The following SGK3 variants were observed in gnomAD, a reference collection of about 807,000 sequenced individuals.
The protein encoded by SGK3 is serine/threonine-protein kinase Sgk3.
In SGK3, 47 loss-of-function variants were observed where a neutral mutation model predicts 68.5. That is an observed-to-expected ratio of 0.69 (90% CI 0.54 to 0.87). The LOEUF (loss-of-function observed/expected upper bound fraction) is 0.87. Among genes scored for constraint, SGK3 ranks in the 40% least tolerant of loss-of-function variants. The pLI is 0.00. For synonymous variants in SGK3, 181 were observed against 189.1 expected, an observed-to-expected ratio of 0.96 and a Z score of 0.35; for missense variants, 479 against 575.5, an observed-to-expected ratio of 0.83 and a Z score of 1.72.
chr8:66,854,222 TCTGTGGC>T (rs768588601), intron 16 of SGK3, among the ~76,000 whole-genome samples: 11 of 152,218 alleles, frequency 7.2e-5, no homozygotes, highest in Non-Finnish European at 1.6e-4. Context: ...AGTTTACAGT[TCTGTGGC>T]CTCAGTCCCT....
intron 4 of SGK3, among the ~76,000 whole-genome samples, chr8:66,810,003 G>A (rs1808315413): frequency 6.6e-6 from 1 of 152,150 alleles, no homozygotes; most frequent in Non-Finnish European, 1.5e-5. Context: ...CTATGACTTA[G>A]TCTTGGAAGC....
intron 1 of SGK3, among the ~76,000 whole-genome samples, chr8:66,714,906 A>G (rs755943409): frequency 4.0e-4 from 61 of 152,210 alleles, no homozygotes; most frequent in Admixed American, 9.8e-4. Flanking sequence ...AGTGCCTGGC[A>G]CGTGCAGGCC....
chr8:66,747,114 G>A (rs1368935340), intron 1 of SGK3, among the ~76,000 whole-genome samples: 2 of 151,972 alleles, frequency 1.3e-5, no homozygotes, highest in African/African-American at 2.4e-5. Flanking sequence ...TGACAGGCTA[G>A]TGTTTGTTCA....
intron 10 of SGK3, chr8:66,839,764 A>G: frequency 2.4e-6 from 1 of 424,136 alleles, no homozygotes. Flanking sequence ...AGTAAATGGG[A>G]GATGAGTGAC....
At chr8:66,810,028 T>G (rs1808317087) in intron 4 of SGK3, among the ~76,000 whole-genome samples, 1 of 152,144 alleles carries the variant, frequency 6.6e-6, no homozygotes, top group Non-Finnish European at 1.5e-5. Context: ...TGCCATTACA[T>G]CCACCATATT....
intron 6 of SGK3, among the ~76,000 whole-genome samples, chr8:66,825,897 A>G (rs926218774): frequency 2.0e-5 from 3 of 152,216 alleles, no homozygotes; most frequent in Non-Finnish European, 2.9e-5. Flanking sequence ...CCTAAATAAT[A>G]AAATCTAATT....
chr8:66,840,690 G>A, intron 12 of SGK3: 1 of 211,658 alleles, frequency 4.7e-6, no homozygotes, highest in Non-Finnish European at 9.3e-6. Context: ...GGGTGTGGTG[G>A]CTCACGCCTG....
intron 1 of SGK3, among the ~76,000 whole-genome samples, chr8:66,792,264 G>A (rs1807491737): frequency 6.6e-6 from 1 of 151,020 alleles, no homozygotes; most frequent in African/African-American, 2.4e-5. Context: ...AAGAGGCGGA[G>A]GTTGTGGTGA....
At chr8:66,809,597 C>T (rs945195395) in intron 4 of SGK3, among the ~76,000 whole-genome samples, 14 of 151,726 alleles carry the variant, frequency 9.2e-5, no homozygotes, top group South Asian at 2.1e-4. Flanking sequence ...TAAATTTATT[C>T]GCCAAATCAA....
rs199728954 is a variant in SGK3, at chr8:66,718,647, G to T, written c.-122+5814G>T. The stretch of plus-strand genomic sequence containing the variant: ...AGGTTCAAGTGATTCTCCTCCCTCA[G>T]CCTCCTGAGTAGCTGGGATTACAGA... On this transcript the variant is annotated intron_variant, in intron 1 of 16. Transcript: ENST00000521198. Among the ~76,000 whole-genome samples, 6 of 151,822 alleles carry T rather than the reference G, an allele frequency of 4.0e-5. No individual in the cohort carries two copies. In the East Asian group the frequency reaches 1.2e-3, roughly 29 times the overall value.
chr8:66,743,377 C>T (rs1585655900), intron 1 of SGK3, among the ~76,000 whole-genome samples: 1 of 152,164 alleles, frequency 6.6e-6, no homozygotes, highest in East Asian at 1.9e-4. Flanking sequence ...AGTACCAGTC[C>T]ATATCCTATC....
intron 14 of SGK3, 61 bp downstream of exon 14, chr8:66,843,608 C>G (rs1809882371): frequency 6.6e-7 from 1 of 1,515,964 alleles, no homozygotes; most frequent in African/African-American, 1.4e-5. Flanking sequence ...GTCTGTCTGT[C>G]TCTCCCACCT....
In SGK3 at chr8:66,779,561, AATATATATATATATAT is replaced by A. The variant is rs200618083; in HGVS notation, c.-121-14029_-121-14014del. ...ATATATATGTATATGTATGTGTGTGAATATATATATATATATATATATATATATATATATATATATA... is the reference window on the plus strand; with the variant it reads ...ATATATATGTATATGTATGTGTGTGAATATATATATATATATATATATATA... On this transcript the variant is annotated intron_variant, in intron 1 of 16. Transcript: ENST00000521198. Among the ~76,000 whole-genome samples the A allele has an allele frequency of 2.6e-3, 232 of 89,390 alleles. 2 individuals are homozygous for A. Among genetic ancestry groups the A allele is most frequent in the East Asian group, 0.017 (44 of 2,620 alleles). 58.6% of individuals were successfully genotyped at this position (89,390 alleles called of 152,430 possible). A position where few individuals can be genotyped will look rare whatever the true frequency, so the allele number is the denominator to read the frequency against.
chr8:66,784,378 C>A (rs1585711383), intron 1 of SGK3, among the ~76,000 whole-genome samples: 1 of 152,110 alleles, frequency 6.6e-6, no homozygotes, highest in South Asian at 2.1e-4. Context: ...TTTTTATTTC[C>A]CTTTATGCCT....
At chr8:66,794,895 T>C (rs1807614208) in intron 2 of SGK3, among the ~76,000 whole-genome samples, 1 of 152,232 alleles carries the variant, frequency 6.6e-6, no homozygotes, top group Non-Finnish European at 1.5e-5. Flanking sequence ...CTGGCATCCA[T>C]TGCTGACACC....
chr8:66,806,426 T>C (rs1808166675), intron 4 of SGK3, among the ~76,000 whole-genome samples: 1 of 152,158 alleles, frequency 6.6e-6, no homozygotes, highest in Non-Finnish European at 1.5e-5. Context: ...AAGAGAAAAT[T>C]GAGTTGGCAC....
At chr8:66,813,754 A>G in intron 4 of SGK3, 99 bp from the exon 5 acceptor site, 1 of 1,025,790 alleles carries the variant, frequency 9.7e-7, no homozygotes, top group Non-Finnish European at 1.3e-6. Flanking sequence ...TAGCTTCTTA[A>G]TCAAAATTCA....
chr8:66,832,147 C>T (rs772494679), intron 8 of SGK3, among the ~76,000 whole-genome samples: 22 of 151,996 alleles, frequency 1.4e-4, no homozygotes, highest in Non-Finnish European at 2.6e-4. Flanking sequence ...GAGAAGGAAA[C>T]GAATGTGTAA....
chr8:66,792,124 G>GT (rs1210767772), intron 1 of SGK3, among the ~76,000 whole-genome samples: 1 of 152,114 alleles, frequency 6.6e-6, no homozygotes, highest in East Asian at 1.9e-4. Flanking sequence ...AAGGTCAGGA[G>GT]TTTGAGACCA....
Sources: allele counts gnomAD v4.1 joint callset (sites outside exome capture counted in the v4.1 genomes callset), GRCh38; gene constraint gnomAD v4.1.1; transcripts MANE v1.5; gene names NCBI Gene and HGNC (gene_info 2026-07-23, HGNC 2026-07-21).